SLIT3: variants seen among roughly 807,000 people sequenced by gnomAD.
The protein encoded by SLIT3 is slit guidance ligand 3.
SLIT3 carries 68 observed loss-of-function variants against 184.0 expected under a neutral mutation model. That is an observed-to-expected ratio of 0.37 (90% CI 0.30 to 0.45). The LOEUF (loss-of-function observed/expected upper bound fraction) is 0.45. SLIT3 is among the 20% of genes least tolerant of loss of function. The probability of loss-of-function intolerance (pLI) is 1.00; values close to 1 mark genes in which losing one functional copy is unlikely to be tolerated. For missense variants in SLIT3, 1,707 were observed against 2,026.0 expected, an observed-to-expected ratio of 0.84 and a Z score of 3.02; for synonymous variants, 831 against 828.6, an observed-to-expected ratio of 1.00 and a Z score of -0.05.
rs191520337 is a variant in SLIT3, at chr5:169,264,777, C to T, written c.198-13318G>A. On this transcript the variant is annotated intron_variant, in intron 1 of 35. Coordinates refer to ENST00000519560, the MANE Select transcript of SLIT3 (RefSeq NM_003062.4). ...ATTAACTATTCTGATTTTTGCACTT[C>T]GTTCTCATCTGTTACATAACCACAT... Among the ~76,000 whole-genome samples the T allele has an allele frequency of 3.9e-5, 6 of 152,296 alleles. No homozygotes were observed. In the East Asian group the frequency reaches 5.8e-4, roughly 15 times the overall value.
chr5:169,054,780 C>T (rs1489726239), intron 4 of SLIT3, among the ~76,000 whole-genome samples: 2 of 152,220 alleles, frequency 1.3e-5, no homozygotes, highest in Non-Finnish European at 2.9e-5. Context: ...TAGAATACTT[C>T]AAGCCCCTGT....
At chr5:169,280,381 G>C (rs1766958285) in intron 1 of SLIT3, among the ~76,000 whole-genome samples, 1 of 152,016 alleles carries the variant, frequency 6.6e-6, no homozygotes, top group Admixed American at 6.6e-5. Flanking sequence ...AGCATCCTCA[G>C]TACATTTCCT....
intron 3 of SLIT3, among the ~76,000 whole-genome samples, chr5:169,198,058 A>G (rs546295945): frequency 3.9e-5 from 6 of 152,344 alleles, no homozygotes; most frequent in African/African-American, 1.4e-4. Flanking sequence ...CTATGCATCA[A>G]CCAACCCATC....
At chr5:168,922,584 G>C (rs185884708) in intron 4 of SLIT3, among the ~76,000 whole-genome samples, 2 of 152,270 alleles carry the variant, frequency 1.3e-5, no homozygotes, top group Admixed American at 6.5e-5. Context: ...AAGGGGAAGA[G>C]AGAGAGAAAA....
chr5:168,858,623 G>A (rs942898847), intron 5 of SLIT3, among the ~76,000 whole-genome samples: 1 of 152,220 alleles, frequency 6.6e-6, no homozygotes, highest in African/African-American at 2.4e-5. Context: ...GCAGCTTTCT[G>A]AGCTCCCTCA....
chr5:168,780,368 C>A (rs552931508), intron 12 of SLIT3, among the ~76,000 whole-genome samples: 1 of 152,342 alleles, frequency 6.6e-6, no homozygotes, highest in Non-Finnish European at 1.5e-5. Context: ...AGGCTCCTGC[C>A]AAGAAAGATA....
intron 4 of SLIT3, among the ~76,000 whole-genome samples, chr5:169,027,244 C>T (rs1044626438): frequency 5.3e-5 from 8 of 152,094 alleles, no homozygotes; most frequent in African/African-American, 9.7e-5. Context: ...AAATGCCCAC[C>T]TTTCTGATTA....
chr5:168,993,292 C>G, intron 4 of SLIT3, among the ~76,000 whole-genome samples: 1 of 152,234 alleles, frequency 6.6e-6, no homozygotes. Context: ...GCTCTGCACT[C>G]TCAGGGGGGC....
chr5:168,957,986 T>G (rs970030722), intron 4 of SLIT3, among the ~76,000 whole-genome samples: 2 of 152,204 alleles, frequency 1.3e-5, no homozygotes, highest in Non-Finnish European at 2.9e-5. Context: ...CTATTTCATT[T>G]TCTCTCTCCA....
At chr5:168,993,535 T>C (rs1370948200) in intron 4 of SLIT3, among the ~76,000 whole-genome samples, 1 of 152,260 alleles carries the variant, frequency 6.6e-6, no homozygotes, top group Non-Finnish European at 1.5e-5. Context: ...GTGGGCTCAA[T>C]GTGCTCCCAC....
chr5:169,159,512 A>G (rs879655476), intron 4 of SLIT3, among the ~76,000 whole-genome samples: 7,043 of 152,234 alleles, frequency 0.046, 216 homozygotes, highest in East Asian at 0.097. Context: ...GCGGTAGCTC[A>G]CGCCTGTAAT....
intron 4 of SLIT3, among the ~76,000 whole-genome samples, chr5:168,985,264 AC>A (rs1439346383): frequency 6.6e-6 from 1 of 152,150 alleles, no homozygotes; most frequent in African/African-American, 2.4e-5. Flanking sequence ...AGTTCCTTGT[AC>A]CATCTGAACT....
intron 4 of SLIT3, among the ~76,000 whole-genome samples, chr5:169,143,119 T>C (rs962068056): frequency 1.3e-5 from 2 of 152,170 alleles, no homozygotes; most frequent in Non-Finnish European, 2.9e-5. Flanking sequence ...ATAAACCTTA[T>C]TAATACTATC....
chr5:169,149,354 T>TTTTTC (rs1554102363), intron 4 of SLIT3, among the ~76,000 whole-genome samples: 1 of 151,882 alleles, frequency 6.6e-6, no homozygotes, highest in Non-Finnish European at 1.5e-5. Flanking sequence ...TTTTTTTTTT[T>TTTTTC]CAACTTGTGG....
intron 5 of SLIT3, among the ~76,000 whole-genome samples, chr5:168,847,949 C>T (rs768703149): frequency 5.9e-5 from 9 of 152,282 alleles, no homozygotes; most frequent in South Asian, 4.1e-4. Context: ...GCAACATGCA[C>T]GCTATCACTC....
chr5:169,105,419 T>G (rs974515992), intron 4 of SLIT3, among the ~76,000 whole-genome samples: 41 of 152,220 alleles, frequency 2.7e-4, no homozygotes, highest in Admixed American at 2.6e-3. Context: ...ATCTTTATCC[T>G]CATGGAAAAA....
At chr5:169,032,922 ATTTTTTTTTTTTT>A (rs199911562) in intron 4 of SLIT3, among the ~76,000 whole-genome samples, 16 of 88,126 alleles carry the variant, frequency 1.8e-4, no homozygotes, top group East Asian at 2.7e-4. Context: ...TTTTTCCTTG[ATTTTTTTTTTTTT>A]TTTTTTTTTT....
At chr5:169,057,318 C>G (rs1180251622) in intron 4 of SLIT3, among the ~76,000 whole-genome samples, 1 of 152,190 alleles carries the variant, frequency 6.6e-6, no homozygotes, top group Non-Finnish European at 1.5e-5. Context: ...CAACCCTGAG[C>G]TGAGGTCTGG....
intron 4 of SLIT3, among the ~76,000 whole-genome samples, chr5:168,887,966 C>T (rs576714409): frequency 1.1e-4 from 17 of 152,154 alleles, no homozygotes; most frequent in Non-Finnish European, 2.4e-4. Context: ...TAAAAAGTTT[C>T]TCTCCTCTGT....
Sources: gnomAD v4.1 joint callset for allele counts (sites outside exome capture counted in the v4.1 genomes callset) on GRCh38, gnomAD v4.1.1 for gene constraint, MANE v1.5 for transcripts, NCBI Gene and HGNC (gene_info 2026-07-23, HGNC 2026-07-21) for gene names.